Variants in PRKCZ observed in about 807,000 individuals in gnomAD.
PRKCZ encodes the protein protein kinase C zeta.
In PRKCZ, 33 loss-of-function variants were observed where a neutral mutation model predicts 79.5. The ratio of observed to expected loss-of-function variants is 0.41; its 90% CI spans 0.31 to 0.55. The LOEUF (loss-of-function observed/expected upper bound fraction) is 0.55. PRKCZ is among the 20% of genes least tolerant of loss of function. PRKCZ has a pLI of 0.19. For synonymous variants in PRKCZ, 342 were observed against 320.9 expected (o/e 1.07, Z -0.70); for missense variants, 578 against 813.5 (o/e 0.71, Z 3.52).
intron 9 of PRKCZ, among the ~76,000 whole-genome samples, chr1:2,153,439 G>T (rs941034744): frequency 6.6e-6 from 1 of 152,234 alleles, no homozygotes; most frequent in Admixed American, 6.5e-5. Context: ...TCGGGGCTGG[G>T]AGGGCAGAGC....
intron 2 of PRKCZ, 68 bp from the exon 3 acceptor site, chr1:2,056,416 C>G (rs193000501): frequency 7.2e-7 from 1 of 1,397,442 alleles, no homozygotes; most frequent in Non-Finnish European, 1.0e-6. Flanking sequence ...GTGTGCTGAG[C>G]GGGCTCGTCA....
chr1:2,127,495 C>T lies in PRKCZ; in HGVS notation c.335-7767C>T, dbSNP rs1674174955. On this transcript the variant is annotated intron_variant, in intron 4 of 17. Transcript: ENST00000378567. The surrounding 1 kb of genome is among the most constrained non-coding windows in gnomAD (Gnocchi z 5.1). ...GGTCCTGGCTGGGCCCGTCCCGCCC[C>T]ACGTCCCGCCTCCCACTGCCCTCAG... is the stretch of plus-strand genomic sequence containing the variant. 6.6e-6 allele frequency among the ~76,000 whole-genome samples: 1 copy of T among 152,148 alleles called. No homozygotes were observed. The highest frequency in any genetic ancestry group is 2.4e-5 in the African/African-American group (1 of 41,434).
At chr1:2,120,393 C>G (rs547599897) in intron 4 of PRKCZ, among the ~76,000 whole-genome samples, 3 of 149,956 alleles carry the variant, frequency 2.0e-5, no homozygotes, top group Non-Finnish European at 1.5e-5. Flanking sequence ...TCCACCTCCC[C>G]GGTTCAAGTG....
In PRKCZ at chr1:2,075,275, C is replaced by G. The variant is rs1244821115; in HGVS notation, c.334+15684C>G. ...GTGAGCCCACGCTGGCCATGCACAG[C>G]TGGCACGATCCCTTGCGGTGTGAAT... On this transcript the variant is annotated intron_variant, in intron 4 of 17. Coordinates refer to ENST00000378567, the MANE Select transcript of PRKCZ (RefSeq NM_002744.6). This position sits in a 1 kb window ranked among gnomAD's most constrained non-coding sequence, Gnocchi z 4.8. 5.9e-5 allele frequency: 9 copies of G among 152,238 alleles called. No individual in the cohort carries two copies. The highest frequency in any genetic ancestry group is 2.9e-5 in the Non-Finnish European group (2 of 68,066). The allele number at this position is 152,238 out of a possible 1,614,324, so 9.4% of individuals were successfully genotyped here.
intron 4 of PRKCZ, among the ~76,000 whole-genome samples, chr1:2,089,294 C>T (rs779078301): frequency 7.9e-5 from 12 of 152,058 alleles, no homozygotes; most frequent in Non-Finnish European, 1.3e-4. Flanking sequence ...GTGGGGGTGA[C>T]GGTGTGAGCA....
intron 4 of PRKCZ, among the ~76,000 whole-genome samples, chr1:2,065,949 T>C (rs900135049): frequency 1.3e-5 from 2 of 152,188 alleles, no homozygotes; most frequent in African/African-American, 2.4e-5. Context: ...GTTAATGTGG[T>C]ATATTACTTT....
intron 9 of PRKCZ, among the ~76,000 whole-genome samples, chr1:2,152,613 CCTCT>C (rs1168764617): frequency 1.3e-5 from 2 of 152,240 alleles, no homozygotes; most frequent in Non-Finnish European, 2.9e-5. Flanking sequence ...GCAGCTATCA[CCTCT>C]CTGATTCCAG....
At chr1:2,090,368 G>A (rs937968394) in intron 4 of PRKCZ, among the ~76,000 whole-genome samples, 3 of 152,080 alleles carry the variant, frequency 2.0e-5, no homozygotes, top group African/African-American at 7.2e-5. Flanking sequence ...TTTTGTAGCC[G>A]TCAGGGAGCA....
intron 4 of PRKCZ, chr1:2,104,997 C>G (rs1668130404): frequency 1.1e-6 from 1 of 885,296 alleles, no homozygotes; most frequent in Admixed American, 6.2e-5. Context: ...GGCTTGTTGA[C>G]CTTGATCTGT....
chr1:2,067,491 C>T (rs1329280536), intron 4 of PRKCZ, among the ~76,000 whole-genome samples: 3 of 152,188 alleles, frequency 2.0e-5, no homozygotes, highest in Non-Finnish European at 2.9e-5. Flanking sequence ...GGGCTGGTCA[C>T]GCCCCGGTCG....
chr1:2,108,783 G>T (rs978299499), intron 4 of PRKCZ, among the ~76,000 whole-genome samples: 12 of 152,212 alleles, frequency 7.9e-5, no homozygotes, highest in African/African-American at 2.9e-4. Context: ...TGCGGCCGCT[G>T]TAACAGTGGC....
intron 4 of PRKCZ, among the ~76,000 whole-genome samples, chr1:2,108,222 G>A (rs1234427137): frequency 6.6e-6 from 1 of 152,246 alleles, no homozygotes; most frequent in Non-Finnish European, 1.5e-5. Flanking sequence ...GTCCAAGCGC[G>A]TGGTGAGGCC....
At chr1:2,104,292 C>G (rs570317478) in intron 4 of PRKCZ, among the ~76,000 whole-genome samples, 1 of 152,242 alleles carries the variant, frequency 6.6e-6, no homozygotes, top group East Asian at 1.9e-4. Context: ...AAAGGGGGTC[C>G]AACTCTTGGT....
chr1:2,103,638 G>T (rs547906313), intron 4 of PRKCZ, among the ~76,000 whole-genome samples: 1 of 152,264 alleles, frequency 6.6e-6, no homozygotes, highest in East Asian at 1.9e-4. Context: ...GCCTAGCTAC[G>T]AGGGAGGATC....
chr1:2,176,419 AGC>A, intron 16 of PRKCZ, among the ~76,000 whole-genome samples: 1 of 152,140 alleles, frequency 6.6e-6, no homozygotes, highest in African/African-American at 2.4e-5. Context: ...CTGTGTGGGA[AGC>A]GCAGTCTCCA....
At chr1:2,140,873 C>T (rs1677176899) in intron 5 of PRKCZ, among the ~76,000 whole-genome samples, 1 of 152,186 alleles carries the variant, frequency 6.6e-6, no homozygotes, top group Non-Finnish European at 1.5e-5. Flanking sequence ...GAGGCTGAGA[C>T]AGGAGAATCG....
chr1:2,083,723 T>G (rs1367051331), intron 4 of PRKCZ, among the ~76,000 whole-genome samples: 1 of 152,140 alleles, frequency 6.6e-6, no homozygotes, highest in Non-Finnish European at 1.5e-5. Context: ...TTCCAGTGTG[T>G]CAGGAGGCTT....
At chr1:2,087,091 T>C (rs1386610084) in intron 4 of PRKCZ, among the ~76,000 whole-genome samples, 3 of 152,144 alleles carry the variant, frequency 2.0e-5, no homozygotes, top group Non-Finnish European at 2.9e-5. Context: ...TTCTTTTATT[T>C]ATTTTTTTTG....
At chr1:2,090,101 G>GT (rs1206228100) in intron 4 of PRKCZ, among the ~76,000 whole-genome samples, 1 of 152,154 alleles carries the variant, frequency 6.6e-6, no homozygotes, top group Non-Finnish European at 1.5e-5. Flanking sequence ...AACAGCAGTT[G>GT]TTTTGGATCT....
Sources: allele counts gnomAD v4.1 joint callset (sites outside exome capture counted in the v4.1 genomes callset), GRCh38; gene constraint gnomAD v4.1.1; non-coding constraint Gnocchi (gnomAD v3.1); transcripts MANE v1.5; gene names NCBI Gene and HGNC (gene_info 2026-07-23, HGNC 2026-07-21).